Variants in GALNTL6 observed in about 807,000 individuals in gnomAD.
GALNTL6 encodes polypeptide N-acetylgalactosaminyltransferase like 6, also known as polypeptide N-acetylgalactosaminyltransferase-like 6.
In GALNTL6, 46 loss-of-function variants were observed where a neutral mutation model predicts 73.7. That is an observed-to-expected ratio of 0.62 (90% CI 0.49 to 0.80). The LOEUF (loss-of-function observed/expected upper bound fraction) is 0.80, where lower values mean the gene tolerates loss of function less well. GALNTL6 is among the 30% of genes least tolerant of loss of function. GALNTL6 has a pLI of 0.00. For missense variants in GALNTL6, 604 were observed against 755.0 expected, an observed-to-expected ratio of 0.80 and a Z score of 2.34; for synonymous variants, 259 against 263.7, an observed-to-expected ratio of 0.98 and a Z score of 0.17.
At chr4:171,875,966 A>G (rs1736264925) in intron 2 of GALNTL6, among the ~76,000 whole-genome samples, 1 of 152,042 alleles carries the variant, frequency 6.6e-6, no homozygotes, top group South Asian at 2.1e-4. Flanking sequence ...TATTGAGGCA[A>G]GTCAAGAGTA....
intron 12 of GALNTL6, among the ~76,000 whole-genome samples, chr4:173,030,731 A>G (rs1753420175): frequency 6.6e-6 from 1 of 151,956 alleles, no homozygotes; most frequent in Non-Finnish European, 1.5e-5. Flanking sequence ...TTTCATCCCT[A>G]ATCCTAGCAT....
intron 2 of GALNTL6, among the ~76,000 whole-genome samples, chr4:171,932,422 T>C (rs936775617): frequency 7.2e-5 from 11 of 152,176 alleles, no homozygotes; most frequent in Non-Finnish European, 1.2e-4. Flanking sequence ...TTGACTCTGT[T>C]CGTTATCAAC....
At chr4:171,903,655 G>A (rs955504029) in intron 2 of GALNTL6, among the ~76,000 whole-genome samples, 5 of 147,718 alleles carry the variant, frequency 3.4e-5, no homozygotes, top group Non-Finnish European at 5.9e-5. Context: ...GCTCAAGGAG[G>A]CCTGCCTGCC....
At chr4:172,303,818 C>T (rs1297767936) in intron 3 of GALNTL6, among the ~76,000 whole-genome samples, 2 of 152,104 alleles carry the variant, frequency 1.3e-5, no homozygotes, top group East Asian at 1.9e-4. Flanking sequence ...ACTTACATCT[C>T]CCCATTTCCA....
intron 2 of GALNTL6, among the ~76,000 whole-genome samples, chr4:172,170,181 C>T (rs1023531383): frequency 4.6e-5 from 7 of 152,248 alleles, no homozygotes; most frequent in Admixed American, 2.0e-4. Flanking sequence ...GGCTGTGTCT[C>T]CACCCAAAAT....
intron 7 of GALNTL6, among the ~76,000 whole-genome samples, chr4:172,881,251 C>T (rs773041989): frequency 6.6e-6 from 1 of 152,134 alleles, no homozygotes; most frequent in Non-Finnish European, 1.5e-5. Context: ...CTCTGAAATT[C>T]AGTGGGTGAA....
intron 5 of GALNTL6, among the ~76,000 whole-genome samples, chr4:172,565,288 GT>G (rs2110935253): frequency 6.6e-6 from 1 of 152,260 alleles, no homozygotes. Context: ...TGGATAGTTT[GT>G]TGAAAGTCTT....
At chr4:171,902,907 C>T (rs1256975514) in intron 2 of GALNTL6, among the ~76,000 whole-genome samples, 1 of 152,098 alleles carries the variant, frequency 6.6e-6, no homozygotes, top group Non-Finnish European at 1.5e-5. Context: ...AATATAGTTA[C>T]TGGTATTGTT....
At chr4:172,755,656 T>G (rs996527099) in intron 5 of GALNTL6, among the ~76,000 whole-genome samples, 4 of 152,220 alleles carry the variant, frequency 2.6e-5, no homozygotes, top group African/African-American at 9.6e-5. Context: ...ATTTCACTCA[T>G]TTATTTGAAA....
At chr4:172,982,336 C>A (rs889966984) in intron 10 of GALNTL6, among the ~76,000 whole-genome samples, 2 of 152,190 alleles carry the variant, frequency 1.3e-5, no homozygotes, top group African/African-American at 4.8e-5. Context: ...CAGAATAAAG[C>A]CAAGGAGCTA....
rs143828792 is a variant in GALNTL6, at chr4:172,684,355, C to T, written c.554-125006C>T. Among the ~76,000 whole-genome samples, 102 of 152,136 alleles carry T rather than the reference C, an allele frequency of 6.7e-4. 1 individual carries two copies. The East Asian group carries it at 0.016, about 23-fold the overall frequency. On this transcript the variant is annotated intron_variant, in intron 5 of 12. Coordinates refer to ENST00000506823, the MANE Select transcript of GALNTL6 (RefSeq NM_001034845.3). The stretch of plus-strand genomic sequence containing the variant: ...GCAATTAACATTTATTTGGCAACTA[C>T]CCTATATGCAGGCCTAACTTTAGAT...
intron 4 of GALNTL6, among the ~76,000 whole-genome samples, chr4:172,334,365 A>G (rs1034252585): frequency 6.6e-6 from 1 of 152,182 alleles, no homozygotes; most frequent in Non-Finnish European, 1.5e-5. Context: ...AATGACATCA[A>G]TTCTTCTGAC....
Position 172,562,703 on chromosome 4 carries a change from G to A in GALNTL6, c.553+214014G>A, listed in dbSNP as rs1222137052. 1.3e-4 allele frequency among the ~76,000 whole-genome samples: 20 copies of A among 152,202 alleles called. 1 individual carries two copies. Among genetic ancestry groups the A allele is most frequent in the Admixed American group, 1.3e-3 (20 of 15,274 alleles). On this transcript the variant is annotated intron_variant, in intron 5 of 12. Coordinates refer to ENST00000506823, the MANE Select transcript of GALNTL6 (RefSeq NM_001034845.3). ...TCCTGCAAACAATGCTCAGTGATTTGTAATCACGGATCATTCACTGCCTCT... is the reference window on the plus strand; with the variant it reads ...TCCTGCAAACAATGCTCAGTGATTTATAATCACGGATCATTCACTGCCTCT...
chr4:172,037,474 A>G (rs918990110), intron 2 of GALNTL6, among the ~76,000 whole-genome samples: 3 of 152,156 alleles, frequency 2.0e-5, no homozygotes, highest in African/African-American at 4.8e-5. Flanking sequence ...CAGGAAAACT[A>G]GATACTGTGA....
intron 3 of GALNTL6, among the ~76,000 whole-genome samples, chr4:172,296,981 A>G (rs1269898518): frequency 1.3e-5 from 2 of 152,174 alleles, no homozygotes; most frequent in African/African-American, 4.8e-5. Context: ...TCCCACCAAC[A>G]GCGTAAAAGT....
chr4:172,191,069 A>G (rs1735566857), intron 2 of GALNTL6, among the ~76,000 whole-genome samples: 2 of 152,092 alleles, frequency 1.3e-5, no homozygotes, highest in Non-Finnish European at 2.9e-5. Flanking sequence ...GAAATATGCA[A>G]CTCAGAAGAG....
intron 2 of GALNTL6, among the ~76,000 whole-genome samples, chr4:172,081,656 A>T (rs530411019): frequency 4.2e-4 from 64 of 152,192 alleles, no homozygotes; most frequent in African/African-American, 1.7e-4. Context: ...AACAAATTTT[A>T]AAAAAATTGA....
At chr4:172,901,517 G>A (rs1026851861) in intron 8 of GALNTL6, among the ~76,000 whole-genome samples, 6 of 152,160 alleles carry the variant, frequency 3.9e-5, no homozygotes, top group East Asian at 1.9e-4. Context: ...TTTACTAGCC[G>A]ATTTTAGGCC....
intron 3 of GALNTL6, among the ~76,000 whole-genome samples, 189 bp from the exon 4 acceptor site, chr4:172,311,425 T>G (rs2111144338): frequency 6.6e-6 from 1 of 152,348 alleles, no homozygotes; most frequent in South Asian, 2.1e-4. Flanking sequence ...TTCTGTGTGG[T>G]TTGCTTTTTA....
Sources: gnomAD v4.1 joint callset for allele counts (sites outside exome capture counted in the v4.1 genomes callset) on GRCh38, gnomAD v4.1.1 for gene constraint, MANE v1.5 for transcripts, NCBI Gene and HGNC (gene_info 2026-07-23, HGNC 2026-07-21) for gene names.